GSE1: variants seen among roughly 807,000 people sequenced by gnomAD.
The protein encoded by GSE1 is Gse1 coiled-coil protein, also known as genetic suppressor element 1.
In GSE1, 32 loss-of-function variants were observed where a neutral mutation model predicts 112.6. The observed-to-expected ratio is 0.28, with a 90% CI of 0.21 to 0.38. The LOEUF is 0.38. GSE1 is among the 10% of genes least tolerant of loss of function. The probability of loss-of-function intolerance (pLI) is 1.00; values close to 1 mark genes in which losing one functional copy is unlikely to be tolerated. For synonymous variants in GSE1, 1,115 were observed against 735.6 expected (o/e 1.52, Z -8.35); for missense variants, 2,348 against 1,699.2 (o/e 1.38, Z -6.71).
intron 1 of GSE1, among the ~76,000 whole-genome samples, chr16:85,300,765 C>G (rs1377118921): frequency 6.6e-6 from 1 of 152,130 alleles, no homozygotes; most frequent in Non-Finnish European, 1.5e-5. Context: ...CTTCCAGTCT[C>G]ACGCTGTGTG....
At chr16:85,595,153 C>A (rs1360666670) in intron 1 of GSE1, 1 of 152,414 alleles carries the variant, frequency 6.6e-6, no homozygotes, top group Non-Finnish European at 1.5e-5. Flanking sequence ...CAGGCTGGGA[C>A]ATTCCTGTCT....
chr16:85,586,512 AG>A (rs1239808918), intron 1 of GSE1, among the ~76,000 whole-genome samples: 1 of 152,182 alleles, frequency 6.6e-6, no homozygotes, highest in Admixed American at 6.5e-5. Context: ...TTGTTCTTCC[AG>A]GGGCTCCCAG....
intron 1 of GSE1, among the ~76,000 whole-genome samples, chr16:85,241,460 T>G (rs978426387): frequency 3.9e-5 from 6 of 152,218 alleles, no homozygotes; most frequent in African/African-American, 1.2e-4. Context: ...TGGGAGTGTT[T>G]ACACCAGGGA....
chr16:85,176,408 T>C lies in GSE1; in HGVS notation c.2283+4601T>C, dbSNP rs1017224120. Among the ~76,000 whole-genome samples, 2 of 152,216 alleles carry C rather than the reference T, an allele frequency of 1.3e-5. 1 individual carries two copies. The highest frequency in any genetic ancestry group is 3.8e-4 in the East Asian group (2 of 5,198). On this transcript the variant is annotated intron_variant, in intron 1 of 2. Coordinates refer to the GSE1 transcript ENST00000637419. Reference sequence around the variant, plus strand: ...GGGCAGAGGCCCTGAGACGCCCCACTTGGCTGCCTTGGCTGCACCCCTGAG... The same window carrying C: ...GGGCAGAGGCCCTGAGACGCCCCACCTGGCTGCCTTGGCTGCACCCCTGAG...
chr16:85,600,064 A>T (rs2047396567), intron 1 of GSE1, among the ~76,000 whole-genome samples: 1 of 152,128 alleles, frequency 6.6e-6, no homozygotes, highest in Non-Finnish European at 1.5e-5. Context: ...GTGGCCTCCG[A>T]GGGCGGCTGC....
At chr16:85,385,775 C>G (rs981202794) in intron 2 of GSE1, among the ~76,000 whole-genome samples, 1 of 152,220 alleles carries the variant, frequency 6.6e-6, no homozygotes, top group African/African-American at 2.4e-5. Flanking sequence ...TCATAGATCA[C>G]TCCCTGGTGG....
chr16:85,497,333 C>G (rs547450960), intron 2 of GSE1, among the ~76,000 whole-genome samples: 300 of 152,296 alleles, frequency 2.0e-3, no homozygotes, highest in African/African-American at 7.0e-3. Context: ...AGCAGGGATT[C>G]CCAGATCCTA....
At chr16:85,248,077 G>A (rs1906054056) in intron 1 of GSE1, among the ~76,000 whole-genome samples, 1 of 152,238 alleles carries the variant, frequency 6.6e-6, no homozygotes, top group African/African-American at 2.4e-5. Flanking sequence ...CTGCCTGTGG[G>A]GCTGAGAGTG....
chr16:85,251,634 C>T (rs887371664), intron 1 of GSE1, among the ~76,000 whole-genome samples: 4 of 152,230 alleles, frequency 2.6e-5, no homozygotes, highest in Non-Finnish European at 4.4e-5. Flanking sequence ...GCCTCCCGGG[C>T]CTTGCTGGGC....
chr16:85,198,561 G>T (rs1260054448), intron 1 of GSE1, among the ~76,000 whole-genome samples: 1 of 152,160 alleles, frequency 6.6e-6, no homozygotes, highest in Non-Finnish European at 1.5e-5. Flanking sequence ...GATGGGGGTA[G>T]CCTGAGCTCT....
At chr16:85,170,272 T>G (rs4398098) in exon 1 of GSE1, 622,037 of 985,386 alleles carry the variant, frequency 0.63, 196,925 homozygotes, top group Middle Eastern at 0.71. Flanking sequence ...GGAGCCCAAG[T>G]CCGGGGTTAG....
At chr16:85,617,221 G>C (rs1179539009) in intron 1 of GSE1, among the ~76,000 whole-genome samples, 1 of 152,350 alleles carries the variant, frequency 6.6e-6, no homozygotes, top group Admixed American at 6.5e-5. Context: ...CCCGTGTCTG[G>C]AATCAGAAGT....
rs576150926 is a variant in GSE1 at position 85,399,490 on chromosome 16, G to A, written c.2464+41847G>A. Among the ~76,000 whole-genome samples the A allele has an allele frequency of 8.9e-4, 135 of 152,338 alleles. 1 individual carries two copies. The highest frequency in any genetic ancestry group is 3.7e-3 in the Admixed American group (57 of 15,300). ...TTCAGGAAGAGAACGTTGCTGATGC[G>A]GTTGTACCTTGTCCCTAGTTTCACA... On this transcript the variant is annotated intron_variant, in intron 2 of 2. Coordinates refer to the GSE1 transcript ENST00000637419.
At chr16:85,589,656 G>A (rs1031678548) in intron 1 of GSE1, among the ~76,000 whole-genome samples, 1 of 152,300 alleles carries the variant, frequency 6.6e-6, no homozygotes, top group South Asian at 2.1e-4. Context: ...TATGTGTGAC[G>A]TGTGCAAATG....
chr16:85,313,006 G>A (rs1160557083), intron 1 of GSE1, among the ~76,000 whole-genome samples: 3 of 151,972 alleles, frequency 2.0e-5, no homozygotes, highest in African/African-American at 7.3e-5. Context: ...GGAGCGGGCA[G>A]CCTCCCTGGG....
Position 85,180,199 on chromosome 16 carries a change from G to A in GSE1, c.2283+8392G>A, listed in dbSNP as rs189020973. On this transcript the variant is annotated intron_variant, in intron 1 of 2. Coordinates refer to the GSE1 transcript ENST00000637419. ...TCGGTTGCTGGATTGGGCTTCCCGC[G>A]AGAGGTGCAGAACCTCATTGGAGTG... Among the ~76,000 whole-genome samples, 224 of 151,882 alleles carry A rather than the reference G, an allele frequency of 1.5e-3. 1 individual carries two copies. Among genetic ancestry groups the A allele is most frequent in the African/African-American group, 5.1e-3 (208 of 41,156 alleles).
intron 2 of GSE1, among the ~76,000 whole-genome samples, chr16:85,442,307 G>T (rs117171757): frequency 6.6e-6 from 1 of 152,126 alleles, no homozygotes; most frequent in African/African-American, 2.4e-5. Flanking sequence ...CCTTGTTTGC[G>T]TGCTTGTTTA....
intron 2 of GSE1, among the ~76,000 whole-genome samples, chr16:85,492,994 C>A (rs1026136101): frequency 6.6e-6 from 1 of 152,192 alleles, no homozygotes; most frequent in Non-Finnish European, 1.5e-5. Context: ...TGGGAATGCG[C>A]ACTAAAAGAG....
chr16:85,518,346 C>T (rs1470727851), intron 2 of GSE1, among the ~76,000 whole-genome samples: 2 of 152,162 alleles, frequency 1.3e-5, no homozygotes, highest in African/African-American at 4.8e-5. Flanking sequence ...AATGGAGCCA[C>T]AGGACGGTGC....
Sources: gnomAD v4.1 joint callset for allele counts (sites outside exome capture counted in the v4.1 genomes callset) on GRCh38, gnomAD v4.1.1 for gene constraint, MANE v1.5 for transcripts, NCBI Gene and HGNC (gene_info 2026-07-23, HGNC 2026-07-21) for gene names.